NFIB: variants seen among roughly 807,000 people sequenced by gnomAD.
The protein encoded by NFIB is nuclear factor 1 B-type.
In NFIB, 11 loss-of-function variants were observed where a neutral mutation model predicts 61.5. The observed-to-expected ratio is 0.18, with a 90% CI of 0.11 to 0.30. The LOEUF is 0.30. Ranked by LOEUF, NFIB falls within the 10% of genes least tolerant of loss-of-function variation. NFIB has a pLI of 1.00. For synonymous variants in NFIB, 260 were observed against 216.5 expected (o/e 1.20, Z -1.76); for missense variants, 471 against 608.9 (o/e 0.77, Z 2.38).
the NFIB span, among the ~76,000 whole-genome samples, chr9:14,412,435 C>T: frequency 6.6e-6 from 1 of 152,296 alleles, no homozygotes; most frequent in Admixed American, 6.5e-5. Context: ...AGAAGACCTA[C>T]CAGCTAAGGA....
chr9:14,267,904 G>A lies in NFIB; in HGVS notation c.562+39085C>T, dbSNP rs1165492328. 1.1e-4 allele frequency among the ~76,000 whole-genome samples: 16 copies of A among 152,118 alleles called. 1 individual carries two copies. Among genetic ancestry groups the A allele is most frequent in the Admixed American group, 1.0e-3 (16 of 15,274 alleles). ...TCCCAGCACTTTGGGAGGCCAAGGT[G>A]GGAAGATCACCTGAGGTCAGGAGTT... On this transcript the variant is annotated intron_variant, in intron 2 of 10. Transcript: ENST00000380953.
intron 1 of NFIB, among the ~76,000 whole-genome samples, chr9:14,396,651 G>A (rs1227887502): frequency 6.6e-6 from 1 of 152,132 alleles, no homozygotes; most frequent in Non-Finnish European, 1.5e-5. Context: ...CAGCACCCAG[G>A]ATACTATATA....
chr9:14,106,900 A>G (rs753949782), intron 10 of NFIB, among the ~76,000 whole-genome samples: 1 of 152,144 alleles, frequency 6.6e-6, no homozygotes, highest in African/African-American at 2.4e-5. Flanking sequence ...TACGATGACA[A>G]CAAATCTCAA....
chr9:14,117,147 T>C (rs1200658311), intron 8 of NFIB, among the ~76,000 whole-genome samples: 1 of 152,190 alleles, frequency 6.6e-6, no homozygotes, highest in East Asian at 1.9e-4. Context: ...CAAATGAGCA[T>C]TGTTATTTGA....
intron 2 of NFIB, among the ~76,000 whole-genome samples, chr9:14,206,170 T>A (rs1007880410): frequency 7.1e-6 from 1 of 140,314 alleles, no homozygotes; most frequent in East Asian, 3.2e-4. Context: ...TTACTAACTC[T>A]CTCTCTCTTT....
chr9:14,098,445 GCTTT>G (rs1020139318), intron 10 of NFIB, among the ~76,000 whole-genome samples: 5 of 152,126 alleles, frequency 3.3e-5, no homozygotes, highest in Admixed American at 1.3e-4. Flanking sequence ...TTGTCCTTCA[GCTTT>G]CTTTTTCATT....
At chr9:14,454,067 CA>C in the NFIB span, among the ~76,000 whole-genome samples, 8 of 146,776 alleles carry the variant, frequency 5.5e-5, no homozygotes, top group East Asian at 2.0e-4. Context: ...GACTCCGTTT[CA>C]AAAAAAAAAG....
At chr9:14,178,624 A>C (rs1413191914) in intron 3 of NFIB, among the ~76,000 whole-genome samples, 1 of 152,198 alleles carries the variant, frequency 6.6e-6, no homozygotes, top group Non-Finnish European at 1.5e-5. Flanking sequence ...TTTTTCTGAA[A>C]TAAAAAAACA....
chr9:14,121,132 TG>T (rs1213352335), intron 7 of NFIB, among the ~76,000 whole-genome samples: 1 of 152,100 alleles, frequency 6.6e-6, no homozygotes, highest in African/African-American at 2.4e-5. Context: ...AGCATGGTGA[TG>T]GGCACCTGTA....
intron 1 of NFIB, among the ~76,000 whole-genome samples, chr9:14,329,121 C>A (rs1238413574): frequency 1.3e-5 from 2 of 152,092 alleles, no homozygotes; most frequent in African/African-American, 4.8e-5. Flanking sequence ...GCTTTCTATA[C>A]CCCTAAGTGT....
intron 2 of NFIB, among the ~76,000 whole-genome samples, chr9:14,205,226 GGAGGGGGAAAAA>G (rs1390824555): frequency 1.1e-5 from 1 of 92,448 alleles, no homozygotes; most frequent in African/African-American, 4.3e-5. Flanking sequence ...GGAGGGGAGG[GGAGGGGGAAAAA>G]AGAAGGGAGG....
intron 1 of NFIB, among the ~76,000 whole-genome samples, chr9:14,395,990 A>G (rs185056851): frequency 1.3e-5 from 2 of 151,880 alleles, no homozygotes; most frequent in Admixed American, 1.3e-4. Context: ...TTGTCCTTGT[A>G]GCTCCCTGTT....
chr9:14,468,823 G>C, the NFIB span, among the ~76,000 whole-genome samples: 1 of 152,186 alleles, frequency 6.6e-6, no homozygotes, highest in East Asian at 1.9e-4. Context: ...TGATAGGTGA[G>C]GGAACTAAGA....
chr9:14,480,408 G>C, the NFIB span, among the ~76,000 whole-genome samples: 2 of 152,210 alleles, frequency 1.3e-5, no homozygotes, highest in South Asian at 2.1e-4. Flanking sequence ...CCCCTCAAGA[G>C]ACTCTATGTG....
chr9:14,257,647 T>G (rs2056353237), intron 2 of NFIB, among the ~76,000 whole-genome samples: 1 of 152,060 alleles, frequency 6.6e-6, no homozygotes, highest in African/African-American at 2.4e-5. Context: ...TCCCAGCTAC[T>G]TGGGAGGCTG....
chr9:14,495,934 ATTAC>A, the NFIB span, among the ~76,000 whole-genome samples: 1 of 152,160 alleles, frequency 6.6e-6, no homozygotes, highest in Non-Finnish European at 1.5e-5. Flanking sequence ...ACATCTTCCA[ATTAC>A]TTAGTAACTT....
intron 1 of NFIB, among the ~76,000 whole-genome samples, chr9:14,363,617 GTATATGTGTGTACA>G (rs1458033850): frequency 8.1e-6 from 1 of 123,298 alleles, no homozygotes; most frequent in Non-Finnish European, 1.7e-5. Flanking sequence ...ATATGTGCAT[GTATATGTGTGTACA>G]TATACATATA....
the NFIB span, among the ~76,000 whole-genome samples, chr9:14,531,142 T>A: frequency 3.3e-5 from 5 of 152,208 alleles, no homozygotes; most frequent in Non-Finnish European, 7.4e-5. Context: ...CTACCTCTCA[T>A]CCCAGCACTC....
intron 1 of NFIB, among the ~76,000 whole-genome samples, chr9:14,375,059 G>C (rs61265825): frequency 0.034 from 5,154 of 152,288 alleles, 294 homozygotes; most frequent in African/African-American, 0.12. Flanking sequence ...GAGAGAAGTA[G>C]TTTGTTCAGT....
Sources: allele counts gnomAD v4.1 joint callset (sites outside exome capture counted in the v4.1 genomes callset), GRCh38; gene constraint gnomAD v4.1.1; transcripts MANE v1.5; gene names NCBI Gene and HGNC (gene_info 2026-07-23, HGNC 2026-07-21).